Variants in MCRIP1 observed in about 807,000 individuals in gnomAD.
MCRIP1 encodes MAPK regulated corepressor interacting protein 1, also known as mapk-regulated corepressor-interacting protein 1.
Under a neutral mutation model 14.4 loss-of-function variants are expected in MCRIP1, and 10 were observed. That is an observed-to-expected ratio of 0.70 (90% CI 0.43 to 1.18). The LOEUF is 1.18. Among genes scored for constraint, MCRIP1 ranks in the 50% most tolerant of loss-of-function variants. MCRIP1 has a pLI of 0.00. For synonymous variants in MCRIP1, 53 were observed against 55.7 expected (o/e 0.95, Z 0.21); for missense variants, 119 against 135.4 (o/e 0.88, Z 0.60).
At chr17:81,826,288 A>C in intron 1 of MCRIP1, 1 of 1,535,148 alleles carries the variant, frequency 6.5e-7, no homozygotes, top group Non-Finnish European at 8.7e-7. Context: ...TTAGCTGAAT[A>C]CATCTGCCAC....
chr17:81,826,869 C>G (rs2038413249), intron 1 of MCRIP1, among the ~76,000 whole-genome samples: 1 of 148,452 alleles, frequency 6.7e-6, no homozygotes, highest in African/African-American at 2.5e-5. Context: ...CCTGTAATCC[C>G]AGCACTTTGG....
At chr17:81,833,078 G>A (rs2038554305) in intron 1 of MCRIP1, among the ~76,000 whole-genome samples, 160 bp downstream of exon 1, 1 of 149,346 alleles carries the variant, frequency 6.7e-6, no homozygotes, top group South Asian at 2.1e-4. Context: ...GGGGAACGCG[G>A]GCCCCTCCCT....
chr17:81,832,884 C>G (rs1168513540), intron 1 of MCRIP1, among the ~76,000 whole-genome samples: 1 of 152,234 alleles, frequency 6.6e-6, no homozygotes, highest in Non-Finnish European at 1.5e-5. Context: ...ACCGGGAAAG[C>G]GGGGCTCTGT....
Position 81,823,886 on chromosome 17 carries a change from A to C in MCRIP1, c.128-373T>G. 1 of 514,484 alleles carries C rather than the reference A, an allele frequency of 1.9e-6. No homozygotes were observed. Among genetic ancestry groups the C allele is most frequent in the Non-Finnish European group, 3.5e-6 (1 of 289,708 alleles). 31.9% of individuals were successfully genotyped at this position (514,484 alleles called of 1,614,324 possible). ...ACGGCACACTCCCCTAATCCCAGACAACCACCTCCCGGCCACTTCTGCAAC... is the reference window on the plus strand; with the variant it reads ...ACGGCACACTCCCCTAATCCCAGACCACCACCTCCCGGCCACTTCTGCAAC... On this transcript the variant is annotated intron_variant, in intron 3 of 4. Coordinates refer to ENST00000455127, the MANE Select transcript of MCRIP1 (RefSeq NM_207368.5). This position sits in a 1 kb window ranked among gnomAD's most constrained non-coding sequence, Gnocchi z 6.0.
chr17:81,827,421 G>A (rs1343069430), intron 1 of MCRIP1, among the ~76,000 whole-genome samples: 4 of 151,514 alleles, frequency 2.6e-5, no homozygotes, highest in South Asian at 4.2e-4. Context: ...ACAGAAGCCC[G>A]CCACCACGCC....
intron 1 of MCRIP1, chr17:81,825,559 G>A (rs961243286): frequency 7.8e-7 from 1 of 1,287,650 alleles, no homozygotes; most frequent in Non-Finnish European, 1.0e-6. Context: ...AGGGCCAGGA[G>A]CACTGAGGCT....
rs1329687866 is a variant in MCRIP1 at position 81,824,541 on chromosome 17, GAT to G, written c.-37_-36del. 1.3e-6 allele frequency: 2 copies of G among 1,535,836 alleles called. No individual in the cohort carries two copies. The highest frequency in any genetic ancestry group is 1.7e-6 in the Non-Finnish European group (2 of 1,146,750). On this transcript the variant is annotated 5_prime_UTR_variant, in exon 2 of 5. Transcript: ENST00000455127. ...GTCTGATCCTAGCGCTCCACCGCCA[GAT>G]CCCCTCAGCCTCTGAAACAGAAGCC...
At chr17:81,826,292 C>A (rs1030211179) in intron 1 of MCRIP1, 12 of 1,535,010 alleles carry the variant, frequency 7.8e-6, no homozygotes, top group African/African-American at 1.4e-5. Context: ...CTGAATACAT[C>A]TGCCACACAC....
chr17:81,826,671 T>C (rs2038404507), intron 1 of MCRIP1: 3 of 385,636 alleles, frequency 7.8e-6, no homozygotes, highest in Non-Finnish European at 1.4e-5. Context: ...AATACAAAAT[T>C]AGTTGGGCGT....
intron 1 of MCRIP1, among the ~76,000 whole-genome samples, chr17:81,827,170 G>A (rs2038423840): frequency 6.6e-6 from 1 of 151,796 alleles, no homozygotes; most frequent in Admixed American, 6.6e-5. Flanking sequence ...AAATAGGCCT[G>A]TAATCCCAAC....
chr17:81,826,947 G>A (rs1402500923), intron 1 of MCRIP1, among the ~76,000 whole-genome samples: 2 of 151,434 alleles, frequency 1.3e-5, no homozygotes, highest in Non-Finnish European at 2.9e-5. Context: ...GTGAAACCCT[G>A]TCTCTACTAA....
Position 81,823,405 on chromosome 17 carries a change from C to G in MCRIP1, c.229+7G>C, listed in dbSNP as rs1381251328. 1 of 1,536,758 alleles carries G rather than the reference C, an allele frequency of 6.5e-7. No homozygotes were observed. Among genetic ancestry groups the G allele is most frequent in the South Asian group, 1.2e-5 (1 of 84,050 alleles). On this transcript the variant is annotated splice_region_variant and intron_variant, in intron 4 of 4. Transcript: ENST00000455127. This position sits in a 1 kb window ranked among gnomAD's most constrained non-coding sequence, Gnocchi z 6.0. ...CCAGCCCTGCCCCCAGGTCAGCCCC[C>G]ACTCACTCTTCAGGCTGGGGTTAGG...
Position 81,823,464 on chromosome 17 carries a change from C to T in MCRIP1, c.177G>A (p.Glu59=). The change falls in exon 4 of 5, where the codon GAG becomes GAA. Residue 59 remains glutamate, a synonymous_variant. Coordinates refer to ENST00000455127, the MANE Select transcript of MCRIP1 (RefSeq NM_207368.5). The surrounding 1 kb of genome is among the most constrained non-coding windows in gnomAD (Gnocchi z 6.0). ...RDLRGQVPGG[E]RGLVEEYVEK... The stretch of plus-strand genomic sequence containing the variant: ...CCACATACTCCTCCACCAGGCCCCG[C>T]TCGCCACCCGGCACCTGGCCTCGCA... 3.9e-6 allele frequency: 6 copies of T among 1,536,712 alleles called. No individual in the cohort carries two copies. Among genetic ancestry groups the T allele is most frequent in the East Asian group, 2.4e-5 (1 of 40,896 alleles).
In MCRIP1 at chr17:81,822,777, G is replaced by T. The variant is rs2038293387; in HGVS notation, c.*470C>A. ...TGTCCAGGCCACGGGAGCAGCAAGG[G>T]TCTGCGGGGAGCCCAGGCTGGATGG... On this transcript the variant is annotated 3_prime_UTR_variant, in exon 5 of 5. Coordinates refer to ENST00000455127, the MANE Select transcript of MCRIP1 (RefSeq NM_207368.5). 4.7e-6 allele frequency: 1 copy of T among 213,708 alleles called. No individual in the cohort carries two copies. The highest frequency in any genetic ancestry group is 9.5e-6 in the Non-Finnish European group (1 of 105,420). The allele number at this position is 213,708 out of a possible 1,614,324, so 13.2% of individuals were successfully genotyped here. A position where few individuals can be genotyped will look rare whatever the true frequency, so the allele number is the denominator to read the frequency against.
At chr17:81,825,580 T>C (rs1369144902) in intron 1 of MCRIP1, 24 of 1,289,130 alleles carry the variant, frequency 1.9e-5, no homozygotes, top group Non-Finnish European at 2.4e-5. Flanking sequence ...TCGAGTCCTC[T>C]CTGGCTCATT....
At chr17:81,827,327 A>G (rs2038428226) in intron 1 of MCRIP1, among the ~76,000 whole-genome samples, 1 of 151,084 alleles carries the variant, frequency 6.6e-6, no homozygotes, top group Non-Finnish European at 1.5e-5. Flanking sequence ...GCTGGAGTGC[A>G]GTGGCGCCAT....
chr17:81,824,496 C>G lies in MCRIP1; in HGVS notation c.8+3G>C. 1 of 1,536,268 alleles carries G rather than the reference C, an allele frequency of 6.5e-7. No individual in the cohort carries two copies. On this transcript the variant is annotated splice_donor_region_variant and intron_variant, in intron 2 of 4. Coordinates refer to ENST00000455127, the MANE Select transcript of MCRIP1 (RefSeq NM_207368.5). ...GAGACCAGCCCACCTGCCTGAGACC[C>G]ACCTGGTCATCGCGGGGGCGTCTGA...
chr17:81,825,013 G>A (rs2038359989), intron 1 of MCRIP1: 6 of 1,031,478 alleles, frequency 5.8e-6, no homozygotes, highest in Non-Finnish European at 5.8e-6. Context: ...CTGGGCACAC[G>A]GCTTCTGCTG....
chr17:81,825,755 C>T (rs536861618), intron 1 of MCRIP1: 50 of 1,289,406 alleles, frequency 3.9e-5, no homozygotes, highest in South Asian at 2.7e-4. Context: ...TCCCCACCCA[C>T]GGCAGCACCC....
Sources: allele counts gnomAD v4.1 joint callset (sites outside exome capture counted in the v4.1 genomes callset), GRCh38; gene constraint gnomAD v4.1.1; non-coding constraint Gnocchi (gnomAD v3.1); transcripts MANE v1.5; gene names NCBI Gene and HGNC (gene_info 2026-07-23, HGNC 2026-07-21).